Variants in ADARB2 observed in about 807,000 individuals in gnomAD.
The protein encoded by ADARB2 is adenosine deaminase RNA specific B2 (inactive).
ADARB2 carries 25 observed loss-of-function variants against 62.2 expected under a neutral mutation model. The ratio of observed to expected loss-of-function variants is 0.40; its 90% confidence interval spans 0.29 to 0.56. The LOEUF (loss-of-function observed/expected upper bound fraction) is 0.56, where lower values mean the gene tolerates loss of function less well. Ranked by LOEUF, ADARB2 falls within the 20% of genes least tolerant of loss-of-function variation. ADARB2 has a pLI of 0.43. For synonymous variants in ADARB2, 572 were observed against 500.8 expected (o/e 1.14, Z -1.90); for missense variants, 1,071 against 1,077.4 (o/e 0.99, Z 0.08).
At chr10:1,580,517 G>C in intron 1 of ADARB2, among the ~76,000 whole-genome samples, 1 of 93,362 alleles carries the variant, frequency 1.1e-5, no homozygotes, top group African/African-American at 3.4e-5. Context: ...TTTTTTTTTA[G>C]AGATTTCATT....
intron 8 of ADARB2, among the ~76,000 whole-genome samples, chr10:1,190,774 A>C (rs1836831530): frequency 6.6e-6 from 1 of 152,218 alleles, no homozygotes. Context: ...CACTGAGATA[A>C]TTCAGATCAT....
chr10:1,413,655 C>G (rs969068146), intron 1 of ADARB2, among the ~76,000 whole-genome samples: 8 of 152,142 alleles, frequency 5.3e-5, no homozygotes, highest in Non-Finnish European at 1.2e-4. Flanking sequence ...AAGATTCTCA[C>G]TCAGGCCCTG....
At chr10:1,411,031 G>A (rs1001710326) in intron 1 of ADARB2, among the ~76,000 whole-genome samples, 7 of 152,166 alleles carry the variant, frequency 4.6e-5, no homozygotes, top group African/African-American at 1.7e-4. Context: ...CTGTGCTGGT[G>A]TCTGCGCTCC....
intron 1 of ADARB2, among the ~76,000 whole-genome samples, chr10:1,396,548 C>T (rs1433944097): frequency 6.6e-6 from 1 of 152,130 alleles, no homozygotes; most frequent in Non-Finnish European, 1.5e-5. Context: ...CTGCAGTGTC[C>T]CTGTGACGCC....
chr10:1,474,285 C>T (rs1203884211), intron 1 of ADARB2, among the ~76,000 whole-genome samples: 1 of 152,226 alleles, frequency 6.6e-6, no homozygotes, highest in Non-Finnish European at 1.5e-5. Context: ...AAACTCGTTC[C>T]CGGCCCTCTG....
chr10:1,517,903 G>T lies in ADARB2; in HGVS notation c.101-138743C>A, dbSNP rs1356597980. Among the ~76,000 whole-genome samples the T allele has an allele frequency of 2.6e-5, 4 of 152,156 alleles. No individual in the cohort carries two copies. The East Asian group carries it at 7.7e-4, about 29-fold the overall frequency. On this transcript the variant is annotated intron_variant, in intron 1 of 9. Transcript: ENST00000381312. Reference sequence around the variant, plus strand: ...GTTCCCAAGCCAGCCTTTCCCCGCAGCTCAGCCCCAAAGCACGGGACAGAG... The same window carrying T: ...GTTCCCAAGCCAGCCTTTCCCCGCATCTCAGCCCCAAAGCACGGGACAGAG...
At chr10:1,595,732 G>C (rs1263138363) in intron 1 of ADARB2, among the ~76,000 whole-genome samples, 1 of 152,220 alleles carries the variant, frequency 6.6e-6, no homozygotes, top group African/African-American at 2.4e-5. Context: ...TCAGCCGAGA[G>C]ACAAAATCCT....
chr10:1,612,518 T>G (rs1215406062), intron 1 of ADARB2, among the ~76,000 whole-genome samples: 4 of 152,244 alleles, frequency 2.6e-5, no homozygotes, highest in African/African-American at 9.6e-5. Context: ...CTAATATTAC[T>G]CATCTTCCCA....
intron 1 of ADARB2, among the ~76,000 whole-genome samples, chr10:1,729,500 T>A (rs1278258059): frequency 6.6e-6 from 1 of 152,236 alleles, no homozygotes; most frequent in East Asian, 1.9e-4. Flanking sequence ...GGTCAGAATC[T>A]ATTCTACTGA....
chr10:1,434,577 G>A (rs1830814810), intron 1 of ADARB2, among the ~76,000 whole-genome samples: 1 of 152,030 alleles, frequency 6.6e-6, no homozygotes, highest in South Asian at 2.1e-4. Context: ...AAACAACGAA[G>A]GCATTCTTAA....
chr10:1,556,846 G>A (rs1832711811), intron 1 of ADARB2: 1 of 533,812 alleles, frequency 1.9e-6, no homozygotes, highest in South Asian at 1.4e-5. Context: ...CAGATTTTCT[G>A]CACAACCCCT....
chr10:1,695,621 GA>G (rs1834729199), intron 1 of ADARB2, among the ~76,000 whole-genome samples: 1 of 42,472 alleles, frequency 2.4e-5, no homozygotes, highest in African/African-American at 4.8e-5. Flanking sequence ...GCATGTTTGT[GA>G]GAGTGTGTGC....
At chr10:1,607,308 C>T (rs997851001) in intron 1 of ADARB2, among the ~76,000 whole-genome samples, 11 of 152,148 alleles carry the variant, frequency 7.2e-5, no homozygotes, top group Non-Finnish European at 1.0e-4. Context: ...AGAGAGGACC[C>T]GGTTCTCTGT....
rs1832279318 is a variant in ADARB2 at position 1,363,331 on chromosome 10, G to A, written c.774C>T (p.Cys258=). 6 of 1,245,486 alleles carry A rather than the reference G, an allele frequency of 4.8e-6. No individual in the cohort carries two copies. The highest frequency in any genetic ancestry group is 6.0e-6 in the Non-Finnish European group (6 of 995,268). The allele number at this position is 1,245,486 out of a possible 1,614,324, so 77.2% of individuals were successfully genotyped here. Residue 258 remains cysteine, a synonymous_variant, in exon 3 of 10, where the codon TGC becomes TGT. Coordinates refer to ENST00000381312, the MANE Select transcript of ADARB2 (RefSeq NM_018702.4). ...SAAYGRRRLL[C]RALDLVGPTP... is the part of the protein sequence containing the mutation. ...TCGGGCCCACCAGGTCCAGCGCGCG[G>A]CACAGCAGCCGCCGTCGCCCGTAGG...
chr10:1,415,813 CT>C (rs1308956619), intron 1 of ADARB2, among the ~76,000 whole-genome samples: 2 of 152,172 alleles, frequency 1.3e-5, no homozygotes, highest in Non-Finnish European at 2.9e-5. Context: ...AAAATTATCA[CT>C]TTCTCAATTG....
At chr10:1,537,205 T>A (rs1246390224) in intron 1 of ADARB2, among the ~76,000 whole-genome samples, 14 of 152,052 alleles carry the variant, frequency 9.2e-5, no homozygotes, top group Admixed American at 8.5e-4. Context: ...AACAAACATA[T>A]GAAAAAAGCT....
chr10:1,306,217 G>A (rs983028043), intron 3 of ADARB2, among the ~76,000 whole-genome samples: 3 of 151,478 alleles, frequency 2.0e-5, no homozygotes, highest in Non-Finnish European at 2.9e-5. Flanking sequence ...AAAGTCTCAG[G>A]ATACAAAATC....
chr10:1,373,092 C>T (rs1832387064), intron 2 of ADARB2, among the ~76,000 whole-genome samples: 1 of 152,174 alleles, frequency 6.6e-6, no homozygotes, highest in South Asian at 2.1e-4. Context: ...CAATGCCATC[C>T]CTCTGTCAAA....
chr10:1,732,700 C>G (rs1355518293), intron 1 of ADARB2, among the ~76,000 whole-genome samples: 1 of 152,224 alleles, frequency 6.6e-6, no homozygotes, highest in Non-Finnish European at 1.5e-5. Context: ...GACTGTGTCC[C>G]TGGCCAGCCA....
Sources: gnomAD v4.1 joint callset for allele counts (sites outside exome capture counted in the v4.1 genomes callset) on GRCh38, gnomAD v4.1.1 for gene constraint, MANE v1.5 for transcripts, NCBI Gene and HGNC (gene_info 2026-07-23, HGNC 2026-07-21) for gene names.